Variants in RAPGEF6 observed in about 807,000 individuals in gnomAD.
RAPGEF6 encodes the protein PDZ domain containing guanine nucleotide exchange factor (GEF) 2.
Under a neutral mutation model 171.4 loss-of-function variants are expected in RAPGEF6, and 56 were observed. That is an observed-to-expected ratio of 0.33 (90% CI 0.26 to 0.41). The LOEUF (loss-of-function observed/expected upper bound fraction) is 0.41. Ranked by LOEUF, RAPGEF6 falls within the 10% of genes least tolerant of loss-of-function variation. The pLI, the probability that RAPGEF6 is intolerant of heterozygous loss-of-function variation, is 1.00. For missense variants in RAPGEF6, 1,674 were observed against 1,921.4 expected (o/e 0.87, Z 2.41); for synonymous variants, 692 against 650.1 (o/e 1.06, Z -0.98).
intron 1 of RAPGEF6, among the ~76,000 whole-genome samples, chr5:131,612,201 A>ATTTTTT (rs35306366): frequency 1.2e-4 from 10 of 83,322 alleles, no homozygotes; most frequent in African/African-American, 3.0e-4. Context: ...TGCTCAGCTA[A>ATTTTTT]TTTTTTTTTT....
intron 7 of RAPGEF6, among the ~76,000 whole-genome samples, chr5:131,516,622 T>G (rs1296295259): frequency 6.6e-6 from 1 of 152,174 alleles, no homozygotes; most frequent in Non-Finnish European, 1.5e-5. Flanking sequence ...GACAACATGC[T>G]TTTGTTCAAG....
At chr5:131,467,518 A>C (rs1754441654) in intron 17 of RAPGEF6, among the ~76,000 whole-genome samples, 1 of 152,228 alleles carries the variant, frequency 6.6e-6, no homozygotes, top group Admixed American at 6.5e-5. Flanking sequence ...TATTCTTTAC[A>C]AACATGTTTC....
At chr5:131,528,325 A>T (rs372463573) in intron 6 of RAPGEF6, among the ~76,000 whole-genome samples, 11 of 49,566 alleles carry the variant, frequency 2.2e-4, no homozygotes, top group Non-Finnish European at 4.6e-4. Context: ...ATATATATAT[A>T]TATATATATA....
chr5:131,436,273 G>T (rs1335917176), intron 24 of RAPGEF6: 2 of 1,537,382 alleles, frequency 1.3e-6, no homozygotes, highest in Non-Finnish European at 1.7e-6. Flanking sequence ...TGTTCTTTTG[G>T]CTGTGCTCCT....
intron 16 of RAPGEF6, among the ~76,000 whole-genome samples, chr5:131,476,128 A>C (rs571894161): frequency 3.3e-5 from 5 of 152,270 alleles, no homozygotes; most frequent in African/African-American, 1.2e-4. Context: ...CCTTCTAGTC[A>C]TTTTTCTGAT....
intron 6 of RAPGEF6, among the ~76,000 whole-genome samples, chr5:131,531,658 A>G (rs1759381368): frequency 6.6e-6 from 1 of 152,148 alleles, no homozygotes; most frequent in Non-Finnish European, 1.5e-5. Context: ...AATCTTTGTA[A>G]AATAGCACAA....
intron 4 of RAPGEF6, 98 bp downstream of exon 4, chr5:131,592,285 A>C: frequency 6.0e-6 from 9 of 1,506,068 alleles, no homozygotes; most frequent in Non-Finnish European, 7.1e-6. Flanking sequence ...ACAAGCAAAG[A>C]CATTTAAAAG....
At chr5:131,594,033 T>C (rs1763742502) in intron 3 of RAPGEF6, among the ~76,000 whole-genome samples, 1 of 151,954 alleles carries the variant, frequency 6.6e-6, no homozygotes. Context: ...ATGGGGAAAA[T>C]GTTTCCAGGG....
chr5:131,484,438 A>G (rs1755731836), intron 15 of RAPGEF6, among the ~76,000 whole-genome samples: 1 of 151,892 alleles, frequency 6.6e-6, no homozygotes, highest in African/African-American at 2.4e-5. Flanking sequence ...GATGGTCTCA[A>G]TCTCTTGACC....
chr5:131,611,119 C>A (rs186334387), intron 1 of RAPGEF6, among the ~76,000 whole-genome samples: 17 of 152,190 alleles, frequency 1.1e-4, no homozygotes, highest in Admixed American at 9.8e-4. Context: ...GTCTAAGGCT[C>A]TTCCACTCAA....
intron 20 of RAPGEF6, among the ~76,000 whole-genome samples, chr5:131,454,002 A>G (rs546196174): frequency 7.9e-5 from 12 of 152,358 alleles, no homozygotes; most frequent in African/African-American, 2.4e-4. Context: ...AAGCTGGACA[A>G]AAGTACAAAA....
intron 6 of RAPGEF6, among the ~76,000 whole-genome samples, chr5:131,521,891 A>ACACACACTCT (rs1250904540): frequency 1.1e-3 from 140 of 123,630 alleles, no homozygotes; most frequent in African/African-American, 3.9e-3. Context: ...ACACACACAC[A>ACACACACTCT]CTCTCTCTCT....
At chr5:131,586,079 A>T (rs1763239665) in intron 4 of RAPGEF6, among the ~76,000 whole-genome samples, 2 of 152,294 alleles carry the variant, frequency 1.3e-5, no homozygotes, top group South Asian at 4.1e-4. Context: ...TAAACTTTCT[A>T]AATGAACTAA....
At chr5:131,617,452 A>C (rs1765340012) in intron 1 of RAPGEF6, among the ~76,000 whole-genome samples, 1 of 152,206 alleles carries the variant, frequency 6.6e-6, no homozygotes, top group Admixed American at 6.5e-5. Context: ...ATCTCTGAAC[A>C]CAAACGATTG....
Position 131,505,423 on chromosome 5 carries a change from G to A in RAPGEF6, c.1042C>T (p.Pro348Ser), listed in dbSNP as rs1757311214. ...TGCATGTACTGCTTATCCAGAGTGG[G>A]AGTAATTCCAAAACTATTTCCCATA... ...LFMGNSFGIT[P>S]TLDKQYMHGI... The change falls in exon 10 of 28, where the codon CCC (proline) becomes TCC (serine). Residue 348 changes from proline to serine, a missense_variant. Transcript: ENST00000509018. 1 of 1,613,442 alleles carries A rather than the reference G, an allele frequency of 6.2e-7. No individual in the cohort carries two copies. Among genetic ancestry groups the A allele is most frequent in the Admixed American group, 1.7e-5 (1 of 60,004 alleles).
intron 1 of RAPGEF6, among the ~76,000 whole-genome samples, chr5:131,634,237 A>G (rs751844993): frequency 5.3e-5 from 8 of 152,224 alleles, no homozygotes; most frequent in Non-Finnish European, 1.0e-4. Flanking sequence ...CCTCCAAATC[A>G]AGGAAAACCT....
chr5:131,583,201 C>T (rs1240553131), intron 4 of RAPGEF6, among the ~76,000 whole-genome samples: 1 of 152,170 alleles, frequency 6.6e-6, no homozygotes, highest in African/African-American at 2.4e-5. Flanking sequence ...TGGCCAGGGG[C>T]ACCCCAGAGA....
intron 21 of RAPGEF6, chr5:131,449,981 T>C: frequency 6.6e-7 from 1 of 1,512,018 alleles, no homozygotes; most frequent in Non-Finnish European, 8.9e-7. Flanking sequence ...ATGTTAAGAG[T>C]CGCACAACCT....
chr5:131,431,856 T>C (rs1751731483), intron 25 of RAPGEF6, among the ~76,000 whole-genome samples: 1 of 152,174 alleles, frequency 6.6e-6, no homozygotes, highest in Non-Finnish European at 1.5e-5. Flanking sequence ...TAAGTATACA[T>C]ATTCATTTTT....
Sources: gnomAD v4.1 joint callset for allele counts (sites outside exome capture counted in the v4.1 genomes callset) on GRCh38, gnomAD v4.1.1 for gene constraint, MANE v1.5 for transcripts, NCBI Gene and HGNC (gene_info 2026-07-23, HGNC 2026-07-21) for gene names.